Variants in RABGEF1 observed in about 807,000 individuals in gnomAD.
RABGEF1 encodes the protein RAB guanine nucleotide exchange factor 1.
In RABGEF1, 26 loss-of-function variants were observed where a neutral mutation model predicts 57.3. That is an observed-to-expected ratio of 0.45 (90% CI 0.33 to 0.63). The LOEUF is 0.63. Ranked by LOEUF, RABGEF1 falls within the 20% of genes least tolerant of loss-of-function variation. The pLI is 0.02. For synonymous variants in RABGEF1, 185 were observed against 210.7 expected, an observed-to-expected ratio of 0.88 and a Z score of 1.06; for missense variants, 464 against 607.6, an observed-to-expected ratio of 0.76 and a Z score of 2.48.
intron 2 of RABGEF1, among the ~76,000 whole-genome samples, chr7:66,735,651 G>C (rs71563133): frequency 2.6e-5 from 4 of 152,128 alleles, no homozygotes; most frequent in African/African-American, 4.8e-5. Flanking sequence ...GTTATTGTGA[G>C]ATCTGGTGGT....
intron 2 of RABGEF1, among the ~76,000 whole-genome samples, chr7:66,726,918 C>T (rs1331611218): frequency 5.3e-5 from 8 of 152,030 alleles, no homozygotes; most frequent in East Asian, 1.9e-4. Flanking sequence ...GCAGGAGAAT[C>T]GCCTGAACCC....
chr7:66,676,353 AG>A, the RABGEF1 span, among the ~76,000 whole-genome samples: 1 of 152,138 alleles, frequency 6.6e-6, no homozygotes, highest in Non-Finnish European at 1.5e-5. Context: ...GATTTGTTCC[AG>A]GATGCCCACA....
At chr7:66,714,710 C>T (rs760391219) in intron 2 of RABGEF1, among the ~76,000 whole-genome samples, 9 of 152,042 alleles carry the variant, frequency 5.9e-5, no homozygotes, top group Non-Finnish European at 1.5e-5. Context: ...CCCAGGCGGG[C>T]GGATCATGAG....
chr7:66,745,451 C>T (rs1799974418), intron 1 of RABGEF1, among the ~76,000 whole-genome samples: 1 of 151,998 alleles, frequency 6.6e-6, no homozygotes, highest in African/African-American at 2.4e-5. Flanking sequence ...AAGTGAGTGG[C>T]TTCTTAGCCC....
At chr7:66,691,782 C>T (rs1457062958) in intron 1 of RABGEF1, among the ~76,000 whole-genome samples, 5 of 152,000 alleles carry the variant, frequency 3.3e-5, no homozygotes, top group Admixed American at 6.6e-5. Flanking sequence ...GGCTTGGCAC[C>T]GTGGCTCACA....
intron 1 of RABGEF1, among the ~76,000 whole-genome samples, chr7:66,685,153 C>CT (rs545055892): frequency 0.42 from 42,930 of 101,170 alleles, 11,134 homozygotes; most frequent in East Asian, 0.61. Context: ...GGATTATTTG[C>CT]TTTTTTTTTT....
chr7:66,712,649 G>A (rs1259325840), intron 2 of RABGEF1, among the ~76,000 whole-genome samples: 1 of 151,546 alleles, frequency 6.6e-6, no homozygotes, highest in Non-Finnish European at 1.5e-5. Flanking sequence ...TTTTTGTATC[G>A]TTGGTAGAGA....
At chr7:66,716,231 G>A (rs1257634871) in intron 2 of RABGEF1, among the ~76,000 whole-genome samples, 1 of 152,028 alleles carries the variant, frequency 6.6e-6, no homozygotes, top group African/African-American at 2.4e-5. Flanking sequence ...AATATAATCA[G>A]TTCAGTTTTC....
intron 2 of RABGEF1, among the ~76,000 whole-genome samples, chr7:66,719,461 G>A (rs1562733174): frequency 6.6e-6 from 1 of 152,188 alleles, no homozygotes. Context: ...CCCCCGCAGT[G>A]TGCTGGGATT....
chr7:66,673,237 T>G, the RABGEF1 span, among the ~76,000 whole-genome samples: 50 of 145,628 alleles, frequency 3.4e-4, 1 homozygote, highest in Admixed American at 1.9e-3. Flanking sequence ...TCAGATAAAA[T>G]AGGTGGTTCA....
intron 1 of RABGEF1, among the ~76,000 whole-genome samples, chr7:66,749,487 C>G (rs1800934733): frequency 6.6e-6 from 1 of 152,138 alleles, no homozygotes; most frequent in Non-Finnish European, 1.5e-5. Context: ...TGTAAGAAAG[C>G]AAATACAAAG....
rs747385449 is a variant in RABGEF1 at position 66,799,311 on chromosome 7, C to G, written c.729-12C>G. ...TCCTTGGAGCTCTTGTTTACTGTCT[C>G]TCTCTCTTTAGAGCCCTGCGCTGGG... On this transcript the variant is annotated splice_polypyrimidine_tract_variant and intron_variant, in intron 6 of 8. Coordinates refer to ENST00000284957, the MANE Select transcript of RABGEF1 (RefSeq NM_014504.3). 3.8e-6 allele frequency: 6 copies of G among 1,578,230 alleles called. No homozygotes were observed. Among genetic ancestry groups the G allele is most frequent in the South Asian group, 2.2e-5 (2 of 90,122 alleles).
intron 2 of RABGEF1, among the ~76,000 whole-genome samples, chr7:66,722,840 A>T (rs1284554033): frequency 1.3e-5 from 2 of 152,228 alleles, no homozygotes; most frequent in African/African-American, 2.4e-5. Flanking sequence ...TGAGATTTTG[A>T]TAAGGATTAC....
intron 7 of RABGEF1, among the ~76,000 whole-genome samples, chr7:66,801,185 A>T (rs1787209782): frequency 6.6e-6 from 1 of 152,226 alleles, no homozygotes; most frequent in Non-Finnish European, 1.5e-5. Flanking sequence ...AGTTTAGGAC[A>T]AGGAGAGTGT....
In RABGEF1 at chr7:66,771,977, C is replaced by T. The variant is rs765828930; in HGVS notation, c.78C>T (p.Tyr26=). The T allele has an allele frequency of 2.8e-5, 45 of 1,597,296 alleles. 1 individual carries two copies. The highest frequency in any genetic ancestry group is 2.6e-4 in the South Asian group (23 of 88,592). Residue 26 remains tyrosine (Y), a synonymous_variant, in exon 2 of 9, where the codon TAC becomes TAT. Coordinates refer to ENST00000284957, the MANE Select transcript of RABGEF1 (RefSeq NM_014504.3). ...TGTGCAAGAAAGGATGTGGTTACTA[C>T]GGCAACCCTGCCTGGCAGGGTTTCT... is the stretch of plus-strand genomic sequence containing the variant. ...DLLCKKGCGY[Y]GNPAWQGFCS...
chr7:66,730,055 C>T (rs1419421529), intron 2 of RABGEF1, among the ~76,000 whole-genome samples: 1 of 152,220 alleles, frequency 6.6e-6, no homozygotes, highest in Non-Finnish European at 1.5e-5. Flanking sequence ...TCAGCTGTGC[C>T]ATAGACTCAG....
intron 2 of RABGEF1, among the ~76,000 whole-genome samples, chr7:66,731,503 G>C (rs1797309879): frequency 6.6e-6 from 1 of 152,018 alleles, no homozygotes; most frequent in Admixed American, 6.6e-5. Flanking sequence ...GATCACTTAA[G>C]CACTAGGAGT....
chr7:66,806,640 CTTTTTTTTTTT>C (rs71997947), intron 8 of RABGEF1, among the ~76,000 whole-genome samples: 1 of 114,608 alleles, frequency 8.7e-6, no homozygotes, highest in Non-Finnish European at 1.7e-5. Context: ...CTCATATATC[CTTTTTTTTTTT>C]TTTTTTTTTT....
chr7:66,797,985 C>T (rs777477165), intron 6 of RABGEF1, among the ~76,000 whole-genome samples: 26 of 152,088 alleles, frequency 1.7e-4, no homozygotes, highest in African/African-American at 1.2e-4. Flanking sequence ...GGCATGGTGG[C>T]GCACGCCTGT....
Sources: gnomAD v4.1 joint callset for allele counts (sites outside exome capture counted in the v4.1 genomes callset) on GRCh38, gnomAD v4.1.1 for gene constraint, MANE v1.5 for transcripts, NCBI Gene and HGNC (gene_info 2026-07-23, HGNC 2026-07-21) for gene names.